Variants in SCLY observed in about 807,000 individuals in gnomAD.
SCLY encodes the protein selenocysteine lyase.
A neutral mutation model predicts 50.1 loss-of-function variants in SCLY; 38 were observed. The observed-to-expected ratio is 0.76, with a 90% CI of 0.59 to 0.99. SCLY has a LOEUF of 0.99. Among genes scored for constraint, SCLY ranks in the 50% least tolerant of loss-of-function variants. The probability of loss-of-function intolerance (pLI) is 0.00; values close to 1 mark genes in which losing one functional copy is unlikely to be tolerated. For missense variants in SCLY, 600 were observed against 620.0 expected, an observed-to-expected ratio of 0.97 and a Z score of 0.34; for synonymous variants, 243 against 249.4, an observed-to-expected ratio of 0.97 and a Z score of 0.24.
chr2:238,085,532 C>T (rs1282499625), intron 7 of SCLY, among the ~76,000 whole-genome samples: 1 of 150,810 alleles, frequency 6.6e-6, no homozygotes, highest in Admixed American at 6.6e-5. Flanking sequence ...TCCTGGCTAA[C>T]ACGGTGAAAC....
chr2:238,083,204 C>A lies in SCLY; in HGVS notation c.778-44C>A, dbSNP rs1218702475. 5 of 1,366,322 alleles carry A rather than the reference C, an allele frequency of 3.7e-6. No homozygotes were observed. Among genetic ancestry groups the A allele is most frequent in the South Asian group, 1.2e-5 (1 of 86,028 alleles). 84.6% of individuals were successfully genotyped at this position (1,366,322 alleles called of 1,614,324 possible). Reference sequence around the variant, plus strand: ...ACTTAGCATGTATACAGAGTAGGTCCTTGGAAAGTTCTTGTTGAATAAATG... The same window carrying A: ...ACTTAGCATGTATACAGAGTAGGTCATTGGAAAGTTCTTGTTGAATAAATG... On this transcript the variant is annotated intron_variant, in intron 6 of 11. Transcript: ENST00000254663. This position sits in a 1 kb window ranked among gnomAD's most constrained non-coding sequence, Gnocchi z 4.3.
chr2:238,092,819 G>T, intron 8 of SCLY: 1 of 153,382 alleles, frequency 6.5e-6, no homozygotes. Context: ...TCCCCAGCGT[G>T]CTTTCCCTCA....
Position 238,068,140 on chromosome 2 carries a change from T to C in SCLY, c.278T>C (p.Ile93Thr). ...AKMIGGKPQDIIFTSGGTESN... is the reference protein window; with the variant it reads ...AKMIGGKPQDTIFTSGGTESN... ...ATGATAGGGGGGAAACCTCAAGATATAATCTTCACTTCCGGGGGCACTGAG... is the reference window on the plus strand; with the variant it reads ...ATGATAGGGGGGAAACCTCAAGATACAATCTTCACTTCCGGGGGCACTGAG... Residue 93 changes from isoleucine to threonine, a missense_variant, in exon 3 of 12, where the codon ATA becomes ACA. Transcript: ENST00000254663. 4 of 1,610,492 alleles carry C rather than the reference T, an allele frequency of 2.5e-6. No individual in the cohort carries two copies. Among genetic ancestry groups the C allele is most frequent in the South Asian group, 1.1e-5 (1 of 90,208 alleles).
At chr2:238,091,558 A>AGC in intron 8 of SCLY, 3 of 319,038 alleles carry the variant, frequency 9.4e-6, no homozygotes, top group South Asian at 4.0e-5. Flanking sequence ...ACCATTCCCA[A>AGC]AGGCGTCGGC....
intron 8 of SCLY, chr2:238,091,541 CAG>C: frequency 4.9e-6 from 2 of 411,596 alleles, no homozygotes; most frequent in East Asian, 4.6e-5. Context: ...TGTCAAGCTG[CAG>C]GTTCACCATT....
intron 7 of SCLY, among the ~76,000 whole-genome samples, chr2:238,085,565 A>G (rs1472139762): frequency 6.6e-6 from 1 of 151,862 alleles, no homozygotes; most frequent in Non-Finnish European, 1.5e-5. Flanking sequence ...GAAAAAAAAA[A>G]ATACACAAAA....
chr2:238,064,211 C>T, intron 1 of SCLY, 146 bp from the exon 2 acceptor site: 2 of 410,290 alleles, frequency 4.9e-6, no homozygotes, highest in South Asian at 6.6e-5. Context: ...CCAAGTGCAG[C>T]TTGTGGATGC....
intron 10 of SCLY, chr2:238,095,686 C>T (rs1259583601): frequency 6.6e-6 from 1 of 152,160 alleles, no homozygotes. Flanking sequence ...TGGGGTCAGA[C>T]TTTGTGTTCA....
intron 8 of SCLY, chr2:238,091,533 T>G: frequency 4.5e-5 from 18 of 400,036 alleles, no homozygotes; most frequent in South Asian, 1.7e-4. Context: ...AGGTGAAGTG[T>G]CAAGCTGCAG....
At position 238,083,325 on chromosome 2, in the gene SCLY, A is replaced by C; in HGVS notation, c.855A>C (p.Gly285=). 6.2e-7 allele frequency: 1 copy of C among 1,613,518 alleles called. No homozygotes were observed. Among genetic ancestry groups the C allele is most frequent in the South Asian group, 1.1e-5 (1 of 91,074 alleles). The part of the protein sequence containing the change: ...EFTPLYPMLF[G]GGQERNFRPG... ...CCCCTCTCTACCCTATGCTATTTGG[A>C]GGTGGACAAGAACGGAATTTCAGGC... The change falls in exon 7 of 12, where the codon GGA becomes GGC. Residue 285 remains glycine, a synonymous_variant. Transcript: ENST00000254663. The surrounding 1 kb of genome is among the most constrained non-coding windows in gnomAD (Gnocchi z 4.3).
intron 1 of SCLY, among the ~76,000 whole-genome samples, chr2:238,062,120 T>C (rs2065024322): frequency 1.3e-5 from 2 of 152,140 alleles, no homozygotes; most frequent in Non-Finnish European, 2.9e-5. Flanking sequence ...CCAATACTGA[T>C]AGCATTTTAA....
chr2:238,098,597 G>T lies in SCLY; in HGVS notation c.*242G>T. 2.5e-6 allele frequency: 1 copy of T among 399,648 alleles called. No individual in the cohort carries two copies. The highest frequency in any genetic ancestry group is 4.3e-6 in the Non-Finnish European group (1 of 229,896). The allele number at this position is 399,648 out of a possible 1,614,324, so 24.8% of individuals were successfully genotyped here. On this transcript the variant is annotated 3_prime_UTR_variant, in exon 12 of 12. Transcript: ENST00000254663. ...CACATGGGACCGCCCACATAGGACCGCCCACATAGGACCGCCCACATGGGA... is the reference window on the plus strand; with the variant it reads ...CACATGGGACCGCCCACATAGGACCTCCCACATAGGACCGCCCACATGGGA...
intron 7 of SCLY, among the ~76,000 whole-genome samples, chr2:238,086,620 C>T (rs2065300182): frequency 6.7e-6 from 1 of 149,534 alleles, no homozygotes; most frequent in Admixed American, 6.8e-5. Flanking sequence ...GGGGAAGGAT[C>T]ACTCGAGCCC....
chr2:238,081,898 A>G, intron 5 of SCLY, 62 bp downstream of exon 5: 2 of 1,589,334 alleles, frequency 1.3e-6, no homozygotes, highest in Non-Finnish European at 8.6e-7. Flanking sequence ...GCTTAGACTC[A>G]TGGCGTTTCA....
At position 238,067,140 on chromosome 2, in the gene SCLY, A is replaced by G. The variant is rs997495093; in HGVS notation, c.203-925A>G. Among the ~76,000 whole-genome samples, 3 of 152,180 alleles carry G rather than the reference A, an allele frequency of 2.0e-5. No individual in the cohort carries two copies. The highest frequency in any genetic ancestry group is 1.3e-4 in the Admixed American group (2 of 15,276). On this transcript the variant is annotated intron_variant, in intron 2 of 11. Transcript: ENST00000254663. The surrounding 1 kb of genome is among the most constrained non-coding windows in gnomAD (Gnocchi z 4.3). ...AGGGAAGGCTGAGAGTGAGGGTGAC[A>G]GTTTATTACGGTGACTTTTAGTGTC... is the stretch of plus-strand genomic sequence containing the variant.
In SCLY at chr2:238,067,924, T is replaced by C; in HGVS notation, c.203-141T>C. On this transcript the variant is annotated intron_variant, in intron 2 of 11. Transcript: ENST00000254663. The surrounding 1 kb of genome is among the most constrained non-coding windows in gnomAD (Gnocchi z 4.3). ...TTGTGTCTAGGTTGTAGCATTTTGC[T>C]GTGCTCACATTAAGGGGCCAGGTTT... The C allele has an allele frequency of 1.7e-6, 1 of 585,436 alleles. No individual in the cohort carries two copies. 36.3% of individuals were successfully genotyped at this position (585,436 alleles called of 1,614,324 possible). A position where few individuals can be genotyped will look rare whatever the true frequency, so the allele number is the denominator to read the frequency against.
intron 4 of SCLY, chr2:238,081,264 C>T (rs771876151): frequency 2.0e-4 from 32 of 157,650 alleles, no homozygotes; most frequent in Non-Finnish European, 4.3e-4. Context: ...CAATGTAGTC[C>T]CCTCTGCTCA....
Position 238,098,462 on chromosome 2 carries a change from C to T in SCLY, c.*107C>T, listed in dbSNP as rs540807827. The stretch of plus-strand genomic sequence containing the variant: ...CTGTGCCAGGATGACTGTCTCATGC[C>T]CCCTCTGCATTTTGTCCTGGAGTGC... On this transcript the variant is annotated 3_prime_UTR_variant, in exon 12 of 12. Coordinates refer to ENST00000254663, the MANE Select transcript of SCLY (RefSeq NM_016510.7). 4.2e-4 allele frequency: 539 copies of T among 1,277,176 alleles called. 7 individuals are homozygous for T. In the South Asian group the frequency reaches 7.3e-3, roughly 17 times the overall value. 79.1% of individuals were successfully genotyped at this position (1,277,176 alleles called of 1,614,324 possible).
intron 6 of SCLY, chr2:238,082,792 T>C (rs2065251477): frequency 4.7e-6 from 1 of 214,692 alleles, no homozygotes. Flanking sequence ...TCCAAAGGAG[T>C]GTCTATGCTG....
Sources: gnomAD v4.1 joint callset for allele counts (sites outside exome capture counted in the v4.1 genomes callset) on GRCh38, gnomAD v4.1.1 for gene constraint, Gnocchi (gnomAD v3.1) non-coding constraint, MANE v1.5 for transcripts, NCBI Gene and HGNC (gene_info 2026-07-23, HGNC 2026-07-21) for gene names.